The following AFDN variants were observed in gnomAD, a reference collection of about 807,000 sequenced individuals.
AFDN encodes afadin, adherens junction formation factor, also known as afadin.
AFDN carries 68 observed loss-of-function variants against 216.6 expected under a neutral mutation model. That is an observed-to-expected ratio of 0.31 (90% CI 0.26 to 0.38). The LOEUF (loss-of-function observed/expected upper bound fraction) is 0.38, where lower values mean the gene tolerates loss of function less well. AFDN is among the 10% of genes least tolerant of loss of function. The pLI is 1.00. For missense variants in AFDN, 2,136 were observed against 2,342.0 expected (o/e 0.91, Z 1.82); for synonymous variants, 868 against 853.7 (o/e 1.02, Z -0.29).
chr6:167,863,083 G>T (rs1180195809), intron 1 of AFDN, among the ~76,000 whole-genome samples: 1 of 152,096 alleles, frequency 6.6e-6, no homozygotes, highest in East Asian at 1.9e-4. Flanking sequence ...TCTAATACAG[G>T]TTAAGTGTCT....
chr6:167,848,690 C>T (rs1209405362), intron 1 of AFDN, among the ~76,000 whole-genome samples: 1 of 152,168 alleles, frequency 6.6e-6, no homozygotes, highest in Non-Finnish European at 1.5e-5. Flanking sequence ...AAACTTCAGT[C>T]TTCACCCTCC....
chr6:167,913,881 T>C (rs1387456109), intron 16 of AFDN: 2 of 467,134 alleles, frequency 4.3e-6, no homozygotes, highest in Non-Finnish European at 3.8e-6. Context: ...TTTGGTGTTA[T>C]ATTATTTGAT....
chr6:167,826,891 G>C (rs1562507261), upstream of AFDN: 2 of 145,030 alleles, frequency 1.4e-5, no homozygotes, highest in Admixed American at 6.8e-5. Context: ...GGTGCGGGCG[G>C]CGGGCGGCGG....
chr6:167,853,768 A>C (rs1455387633), intron 1 of AFDN, among the ~76,000 whole-genome samples: 1 of 151,978 alleles, frequency 6.6e-6, no homozygotes, highest in Non-Finnish European at 1.5e-5. Flanking sequence ...TTTTCACTTA[A>C]CTGTGTATCT....
In AFDN at chr6:167,969,021, ATTT is replaced by A. The variant is rs1797821967; in HGVS notation, c.5258-90_5258-88del. Reference sequence around the variant, plus strand: ...ACCTTCCTACTTACTCAGTAAAGGTATTTTTGTATTCTCTGAGCACTGCATCTT... The same window carrying A: ...ACCTTCCTACTTACTCAGTAAAGGTATTGTATTCTCTGAGCACTGCATCTT... On this transcript the variant is annotated intron_variant, in intron 32 of 33. Coordinates refer to ENST00000683244, the MANE Select transcript of AFDN (RefSeq NM_001386888.1). The A allele has an allele frequency of 5.1e-6, 5 of 981,904 alleles. No individual in the cohort carries two copies. The Admixed American group carries it at 9.2e-5, about 18-fold the overall frequency. 60.8% of individuals were successfully genotyped at this position (981,904 alleles called of 1,614,324 possible).
At chr6:167,923,225 T>C (rs546895548) in intron 22 of AFDN, 1 of 272,830 alleles carries the variant, frequency 3.7e-6, no homozygotes, top group Non-Finnish European at 6.8e-6. Context: ...CCAGTCTTAA[T>C]ACATATTTTA....
chr6:167,863,662 G>T (rs1783835002), intron 1 of AFDN: 3 of 402,510 alleles, frequency 7.5e-6, no homozygotes, highest in South Asian at 6.0e-5. Flanking sequence ...AATTTTTGTT[G>T]GGAGTTGTGC....
intron 2 of AFDN, among the ~76,000 whole-genome samples, chr6:167,866,937 A>T (rs890309379): frequency 3.9e-5 from 6 of 152,206 alleles, no homozygotes; most frequent in Admixed American, 3.3e-4. Flanking sequence ...ACCTTCAGCC[A>T]CCAGGGAAGC....
At chr6:167,954,338 C>T (rs887745513) in intron 30 of AFDN, 11 of 658,240 alleles carry the variant, frequency 1.7e-5, no homozygotes, top group Admixed American at 1.1e-4. Flanking sequence ...ATCAAGTTGT[C>T]GAAACACAGA....
intron 4 of AFDN, among the ~76,000 whole-genome samples, chr6:167,873,697 A>G (rs1199431873): frequency 6.6e-6 from 1 of 152,226 alleles, no homozygotes. Context: ...GTGTCACAGA[A>G]CAGTATATTA....
chr6:167,910,632 A>G (rs1790265865), intron 13 of AFDN, among the ~76,000 whole-genome samples: 1 of 152,226 alleles, frequency 6.6e-6, no homozygotes, highest in Non-Finnish European at 1.5e-5. Flanking sequence ...TGCCGTGGTC[A>G]GCTTGTCTAA....
chr6:167,937,101 G>C (rs1794102481), intron 23 of AFDN, among the ~76,000 whole-genome samples: 1 of 152,182 alleles, frequency 6.6e-6, no homozygotes, highest in African/African-American at 2.4e-5. Context: ...GGGTCTGCAG[G>C]AAAGGAGTGT....
intron 2 of AFDN, 108 bp from the exon 3 acceptor site, chr6:167,870,278 A>G: frequency 4.7e-6 from 3 of 643,050 alleles, no homozygotes; most frequent in Admixed American, 2.8e-5. Flanking sequence ...TCAGTCTGCA[A>G]GTAGGTGCTT....
chr6:167,872,813 A>G (rs886335911), intron 4 of AFDN, among the ~76,000 whole-genome samples: 7 of 152,128 alleles, frequency 4.6e-5, no homozygotes, highest in African/African-American at 7.2e-5. Flanking sequence ...TCAGATCACC[A>G]TCTAGTTCCC....
At chr6:167,911,774 CT>C in intron 15 of AFDN, 1 of 411,854 alleles carries the variant, frequency 2.4e-6, no homozygotes, top group African/African-American at 2.0e-5. Context: ...AGAATTTTTT[CT>C]GTAAATAATT....
chr6:167,917,370 G>T (rs1791214981), intron 20 of AFDN, 138 bp downstream of exon 20: 6 of 957,422 alleles, frequency 6.3e-6, no homozygotes, highest in Non-Finnish European at 8.8e-6. Flanking sequence ...TCGTGTTGCT[G>T]TCCAAGAGTT....
chr6:167,919,956 C>T (rs1049359126), intron 21 of AFDN, among the ~76,000 whole-genome samples: 10 of 152,146 alleles, frequency 6.6e-5, no homozygotes, highest in African/African-American at 1.9e-4. Context: ...ACAATAAATA[C>T]GTTTTTATAC....
intron 30 of AFDN, among the ~76,000 whole-genome samples, chr6:167,956,114 CAAAAA>C (rs59521151): frequency 1.5e-4 from 6 of 41,300 alleles, no homozygotes; most frequent in African/African-American, 2.7e-4. Context: ...GACTTTGGCT[CAAAAA>C]AAAAAAAAAA....
chr6:167,858,957 C>T (rs1488293537), intron 1 of AFDN, among the ~76,000 whole-genome samples: 1 of 151,520 alleles, frequency 6.6e-6, no homozygotes, highest in Non-Finnish European at 1.5e-5. Flanking sequence ...AACTGGGTTT[C>T]TAGGAGCTTT....
Sources: gnomAD v4.1 joint callset for allele counts (sites outside exome capture counted in the v4.1 genomes callset) on GRCh38, gnomAD v4.1.1 for gene constraint, MANE v1.5 for transcripts, NCBI Gene and HGNC (gene_info 2026-07-23, HGNC 2026-07-21) for gene names.